GLP1R: variants seen among roughly 807,000 people sequenced by gnomAD.
GLP1R encodes the protein glucagon like peptide 1 receptor, also known as glucagon-like peptide 1 receptor.
GLP1R carries 32 observed loss-of-function variants against 68.4 expected under a neutral mutation model. The observed-to-expected ratio is 0.47, with a 90% CI of 0.35 to 0.63. The LOEUF (loss-of-function observed/expected upper bound fraction) is 0.63. Among genes scored for constraint, GLP1R ranks in the 20% least tolerant of loss-of-function variants. GLP1R has a pLI of 0.00. For synonymous variants in GLP1R, 263 were observed against 244.4 expected (o/e 1.08, Z -0.71); for missense variants, 502 against 594.9 (o/e 0.84, Z 1.62).
Position 39,066,123 on chromosome 6 carries a change from T to C in GLP1R, c.403-74T>C, listed in dbSNP as rs1768504774. 5.8e-6 allele frequency: 5 copies of C among 856,028 alleles called. No individual in the cohort carries two copies. In the South Asian group the frequency reaches 7.9e-5, roughly 13 times the overall value. The allele number at this position is 856,028 out of a possible 1,614,324, so 53.0% of individuals were successfully genotyped here. The stretch of plus-strand genomic sequence containing the variant: ...ACTTGGGGCCCCAGCTCTGTCTCTG[T>C]GCCATGGGAAGGAAGATTGTGGGAA... On this transcript the variant is annotated intron_variant, in intron 4 of 12. Coordinates refer to ENST00000373256, the MANE Select transcript of GLP1R (RefSeq NM_002062.5).
At chr6:39,059,106 C>T (rs1163624439) in intron 3 of GLP1R, among the ~76,000 whole-genome samples, 2 of 152,246 alleles carry the variant, frequency 1.3e-5, no homozygotes, top group East Asian at 1.9e-4. Flanking sequence ...CACCTCTCCC[C>T]AAGGAGCAGG....
At position 39,086,962 on chromosome 6, in the gene GLP1R, G is replaced by A. The variant is rs1211581578; in HGVS notation, c.*889G>A. ...TACCTGCCACTTCCAGGAGCCCAGA[G>A]GGCCAAGAGAGACATTGCCTCCACC... On this transcript the variant is annotated 3_prime_UTR_variant, in exon 13 of 13. Transcript: ENST00000373256. This position sits in a 1 kb window ranked among gnomAD's most constrained non-coding sequence, Gnocchi z 4.5. 6.6e-6 allele frequency: 1 copy of A among 152,090 alleles called. No individual in the cohort carries two copies. The highest frequency in any genetic ancestry group is 1.5e-5 in the Non-Finnish European group (1 of 67,944). 9.4% of individuals were successfully genotyped at this position (152,090 alleles called of 1,614,324 possible).
chr6:39,073,055 G>T (rs201697395), intron 6 of GLP1R, 40 bp downstream of exon 6: 1 of 1,580,370 alleles, frequency 6.3e-7, no homozygotes, highest in African/African-American at 1.3e-5. Flanking sequence ...AGGGATGGGC[G>T]GTTGGAGGAG....
intron 1 of GLP1R, among the ~76,000 whole-genome samples, chr6:39,055,946 C>T (rs1415759571): frequency 2.0e-5 from 3 of 152,170 alleles, no homozygotes; most frequent in Non-Finnish European, 4.4e-5. Context: ...CAGTTCCTCT[C>T]CCACTCTGGC....
chr6:39,076,774 C>T (rs546416497), intron 7 of GLP1R, among the ~76,000 whole-genome samples: 5 of 152,242 alleles, frequency 3.3e-5, no homozygotes, highest in East Asian at 1.9e-4. Context: ...CCAACGGAGA[C>T]GAGCATGGAG....
chr6:39,057,526 C>T lies in GLP1R; in HGVS notation c.230C>T (p.Pro77Leu). ...TACGCCTGCTGGCCAGATGGGGAGC[C>T]AGGCTCGTTCGTGAATGTCAGCTGC... is the stretch of plus-strand genomic sequence containing the variant. ...DEYACWPDGE[P>L]GSFVNVSCPW... Residue 77 changes from proline to leucine, a missense_variant, in exon 3 of 13, where the codon CCA becomes CTA. By Grantham distance (98) the Pro-to-Leu change is moderately conservative (BLOSUM62 -3). Transcript: ENST00000373256. 6.2e-7 allele frequency: 1 copy of T among 1,613,602 alleles called. No homozygotes were observed. The highest frequency in any genetic ancestry group is 8.5e-7 in the Non-Finnish European group (1 of 1,179,772).
chr6:39,079,737 T>C lies in GLP1R; in HGVS notation c.1182+35T>C, dbSNP rs767803082. The stretch of plus-strand genomic sequence containing the variant: ...TGCTTGGGGACACTTGCTTGTAAAG[T>C]CCTAGAGTGGGGGTGGGACAGACAC... On this transcript the variant is annotated intron_variant, in intron 11 of 12. Coordinates refer to ENST00000373256, the MANE Select transcript of GLP1R (RefSeq NM_002062.5). The surrounding 1 kb of genome is among the most constrained non-coding windows in gnomAD (Gnocchi z 4.5). 3 of 1,590,406 alleles carry C rather than the reference T, an allele frequency of 1.9e-6. No homozygotes were observed. The highest frequency in any genetic ancestry group is 2.2e-5 in the East Asian group (1 of 44,620).
chr6:39,056,655 A>T (rs1035613527), intron 2 of GLP1R, among the ~76,000 whole-genome samples, 162 bp downstream of exon 2: 4 of 152,130 alleles, frequency 2.6e-5, no homozygotes, highest in African/African-American at 9.7e-5. Context: ...CTTCACCTGG[A>T]TACCTTCCTT....
At chr6:39,075,347 G>A (rs540792942) in intron 7 of GLP1R, among the ~76,000 whole-genome samples, 25 of 152,174 alleles carry the variant, frequency 1.6e-4, no homozygotes, top group African/African-American at 5.3e-4. Context: ...GGTGGGGGAC[G>A]GTGTCTGTCC....
chr6:39,052,585 T>C (rs1768111279), intron 1 of GLP1R, among the ~76,000 whole-genome samples: 2 of 152,204 alleles, frequency 1.3e-5, no homozygotes, highest in African/African-American at 4.8e-5. Flanking sequence ...GCCTTTCAGA[T>C]TGGCAGCCAG....
intron 1 of GLP1R, among the ~76,000 whole-genome samples, chr6:39,051,299 C>A (rs1321853664): frequency 6.6e-6 from 1 of 152,144 alleles, no homozygotes; most frequent in East Asian, 1.9e-4. Flanking sequence ...GAGACACTGG[C>A]CCCTGAAATG....
At chr6:39,056,607 C>A (rs553816907) in intron 2 of GLP1R, 114 bp downstream of exon 2, 3 of 606,656 alleles carry the variant, frequency 4.9e-6, no homozygotes, top group Non-Finnish European at 9.2e-6. Context: ...AGGATGCCAC[C>A]CCTGCCCTCT....
rs748778879 is a variant in GLP1R, at chr6:39,090,931, C to T, written c.*4858C>T. Reference sequence around the variant, plus strand: ...TGCCAAACAGTTTACACTTTACCTCCAAACCTGCAGTTCTAAGCTACTCCA... The same window carrying T: ...TGCCAAACAGTTTACACTTTACCTCTAAACCTGCAGTTCTAAGCTACTCCA... On this transcript the variant is annotated 3_prime_UTR_variant, in exon 13 of 13. Coordinates refer to ENST00000373256, the MANE Select transcript of GLP1R (RefSeq NM_002062.5). 1.3e-5 allele frequency among the ~76,000 whole-genome samples: 2 copies of T among 152,152 alleles called. No homozygotes were observed. Among genetic ancestry groups the T allele is most frequent in the African/African-American group, 2.4e-5 (1 of 41,442 alleles).
Position 39,055,037 on chromosome 6 carries a change from C to T in GLP1R, c.79-1360C>T, listed in dbSNP as rs10305425. Among the ~76,000 whole-genome samples the T allele has an allele frequency of 5.3e-5, 8 of 152,100 alleles. No homozygotes were observed. The South Asian group carries it at 6.2e-4, about 12-fold the overall frequency. ...CTCTGTCCTTCAGGGTAGCCCCTGC[C>T]GCCTTGGCACACTTATGCCAAGGAT... is the stretch of plus-strand genomic sequence containing the variant. On this transcript the variant is annotated intron_variant, in intron 1 of 12. Transcript: ENST00000373256.
At position 39,072,948 on chromosome 6, in the gene GLP1R, C is replaced by T. The variant is rs1768715788; in HGVS notation, c.596C>T (p.Ala199Val). ...GCATTGTCCGTCTTCATCAAGGACG[C>T]AGCCCTGAAGTGGATGTATAGCACA... ...LRALSVFIKDAALKWMYSTAA... is the reference protein window; with the variant it reads ...LRALSVFIKDVALKWMYSTAA... The change falls in exon 6 of 13, where the codon GCA (alanine) becomes GTA (valine). Residue 199 changes from alanine to valine, a missense_variant. Coordinates refer to ENST00000373256, the MANE Select transcript of GLP1R (RefSeq NM_002062.5). The T allele has an allele frequency of 6.2e-7, 1 of 1,614,072 alleles. No homozygotes were observed. The highest frequency in any genetic ancestry group is 1.6e-4 in the Middle Eastern group (1 of 6,062).
chr6:39,050,109 G>A (rs1768050685), intron 1 of GLP1R, among the ~76,000 whole-genome samples: 1 of 152,046 alleles, frequency 6.6e-6, no homozygotes, highest in African/African-American at 2.4e-5. Context: ...TTTTCCAGAC[G>A]CATCCTCTCC....
At position 39,079,231 on chromosome 6, in the gene GLP1R, C is replaced by A; in HGVS notation, c.1043+31C>A. Reference sequence around the variant, plus strand: ...GTAACTGAGCTGGCTTTACTGAGGACCCTCAGCAAGTGCCCCTTTCCTTCT... The same window carrying A: ...GTAACTGAGCTGGCTTTACTGAGGAACCTCAGCAAGTGCCCCTTTCCTTCT... On this transcript the variant is annotated intron_variant, in intron 10 of 12. Transcript: ENST00000373256. This position sits in a 1 kb window ranked among gnomAD's most constrained non-coding sequence, Gnocchi z 4.5. 6.8e-7 allele frequency: 1 copy of A among 1,460,804 alleles called. No individual in the cohort carries two copies. The highest frequency in any genetic ancestry group is 9.6e-7 in the Non-Finnish European group (1 of 1,039,874). 90.5% of individuals were successfully genotyped at this position (1,460,804 alleles called of 1,614,324 possible).
chr6:39,085,392 T>C (rs993615066), intron 12 of GLP1R, among the ~76,000 whole-genome samples: 1 of 152,126 alleles, frequency 6.6e-6, no homozygotes, highest in Non-Finnish European at 1.5e-5. Flanking sequence ...GCCACATTCC[T>C]TCCTTCCCTC....
chr6:39,085,494 C>T (rs1238288067), intron 12 of GLP1R, among the ~76,000 whole-genome samples: 3 of 152,160 alleles, frequency 2.0e-5, no homozygotes, highest in Non-Finnish European at 4.4e-5. Context: ...TGGGGGTTGC[C>T]GTCCCCCTTC....
Sources: gnomAD v4.1 joint callset for allele counts (sites outside exome capture counted in the v4.1 genomes callset) on GRCh38, gnomAD v4.1.1 for gene constraint, Gnocchi (gnomAD v3.1) non-coding constraint, MANE v1.5 for transcripts, NCBI Gene and HGNC (gene_info 2026-07-23, HGNC 2026-07-21) for gene names.